EFCAB11: variants seen among roughly 807,000 people sequenced by gnomAD.
EFCAB11 encodes the protein EF-hand calcium binding domain 11, also known as EF-hand calcium-binding domain-containing protein 11.
A neutral mutation model predicts 23.0 loss-of-function variants in EFCAB11; 14 were observed. The observed-to-expected ratio is 0.61, with a 90% CI of 0.40 to 0.95. EFCAB11 has a LOEUF of 0.95. Ranked by LOEUF, EFCAB11 falls within the 40% of genes least tolerant of loss-of-function variation. The probability of loss-of-function intolerance (pLI) is 0.00; values close to 1 mark genes in which losing one functional copy is unlikely to be tolerated. For synonymous variants in EFCAB11, 65 were observed against 66.6 expected, an observed-to-expected ratio of 0.98 and a Z score of 0.11; for missense variants, 198 against 195.8, an observed-to-expected ratio of 1.01 and a Z score of -0.07.
intron 3 of EFCAB11, among the ~76,000 whole-genome samples, chr14:89,948,922 C>T (rs1891068246): frequency 6.6e-6 from 1 of 150,714 alleles, no homozygotes; most frequent in African/African-American, 2.4e-5. Flanking sequence ...TTTGATAGTA[C>T]AGAATGGTAA....
intron 5 of EFCAB11, among the ~76,000 whole-genome samples, chr14:89,901,727 C>T (rs1401969915): frequency 1.3e-5 from 2 of 152,072 alleles, no homozygotes; most frequent in African/African-American, 4.8e-5. Context: ...AAATACACAA[C>T]ATGGTGTGAA....
chr14:89,806,107 G>A (rs368909737), intron 5 of EFCAB11, among the ~76,000 whole-genome samples: 1 of 151,942 alleles, frequency 6.6e-6, no homozygotes, highest in Non-Finnish European at 1.5e-5. Context: ...AACAAGTGAC[G>A]GAATAAATTC....
intron 5 of EFCAB11, among the ~76,000 whole-genome samples, chr14:89,886,070 C>G (rs758647596): frequency 1.4e-4 from 22 of 151,986 alleles, no homozygotes; most frequent in Non-Finnish European, 2.8e-4. Flanking sequence ...ACAAACAGAC[C>G]AATGCAACAT....
chr14:89,914,819 G>C (rs1249259599), intron 5 of EFCAB11, among the ~76,000 whole-genome samples: 1 of 151,862 alleles, frequency 6.6e-6, no homozygotes, highest in African/African-American at 2.4e-5. Flanking sequence ...AGACAGTTAT[G>C]AAATATGTAG....
At chr14:89,952,694 G>T (rs1891214806) in intron 2 of EFCAB11, 1 of 823,068 alleles carries the variant, frequency 1.2e-6, no homozygotes, top group African/African-American at 1.9e-5. Context: ...AAATAGGGCG[G>T]AGAGGCATGA....
chr14:89,953,219 A>C (rs913287347), intron 2 of EFCAB11, among the ~76,000 whole-genome samples: 83 of 152,170 alleles, frequency 5.5e-4, no homozygotes, highest in Non-Finnish European at 1.2e-3. Context: ...AAAAAAAAAA[A>C]AACCCCACCT....
chr14:89,854,218 TC>T (rs1480572026), intron 5 of EFCAB11, among the ~76,000 whole-genome samples: 5 of 132,342 alleles, frequency 3.8e-5, no homozygotes, highest in African/African-American at 1.4e-4. Flanking sequence ...AAATGACATC[TC>T]AAAGCAGATA....
rs969765063 is a variant in EFCAB11, at chr14:89,817,095, T to A, written c.411-19771A>T. 2.6e-4 allele frequency among the ~76,000 whole-genome samples: 40 copies of A among 152,160 alleles called. 1 individual carries two copies. Among genetic ancestry groups the A allele is most frequent in the African/African-American group, 8.7e-4 (36 of 41,554 alleles). On this transcript the variant is annotated intron_variant, in intron 5 of 5. Coordinates refer to ENST00000316738, the MANE Select transcript of EFCAB11 (RefSeq NM_145231.4). ...CAATACTTCAAGGTAATTTGTAGAT[T>A]TAATACATTTCTAAATAAAATAATA...
rs1450401089 is a variant in EFCAB11, at chr14:89,869,235, G to A, written c.410+62306C>T. On this transcript the variant is annotated intron_variant, in intron 5 of 5. Transcript: ENST00000316738. ...AAACAAAAATAAAAATATCTCTAAT[G>A]TACTTGGTCCCTCCTCCTCACACTT... 2.6e-5 allele frequency among the ~76,000 whole-genome samples: 4 copies of A among 152,050 alleles called. No homozygotes were observed. The East Asian group carries it at 5.8e-4, about 22-fold the overall frequency.
intron 5 of EFCAB11, among the ~76,000 whole-genome samples, chr14:89,915,567 T>C (rs1889815239): frequency 6.6e-6 from 1 of 152,240 alleles, no homozygotes; most frequent in Admixed American, 6.5e-5. Flanking sequence ...AATCAATTTA[T>C]TTTAGTCACT....
At chr14:89,880,951 A>C (rs1222456669) in intron 5 of EFCAB11, among the ~76,000 whole-genome samples, 5 of 152,130 alleles carry the variant, frequency 3.3e-5, no homozygotes, top group African/African-American at 1.2e-4. Context: ...CATCTATAAA[A>C]TGGGGAAAGG....
At chr14:89,800,816 G>A (rs1426537960) in intron 5 of EFCAB11, among the ~76,000 whole-genome samples, 1 of 152,096 alleles carries the variant, frequency 6.6e-6, no homozygotes, top group Non-Finnish European at 1.5e-5. Flanking sequence ...GCTGAGGTGG[G>A]TGGATCACTT....
At chr14:89,951,780 C>G (rs144340936) in intron 2 of EFCAB11, among the ~76,000 whole-genome samples, 2,519 of 151,012 alleles carry the variant, frequency 0.017, 34 homozygotes, top group Non-Finnish European at 0.02. Flanking sequence ...AAAAAAAGAA[C>G]CGGGTATGGT....
intron 5 of EFCAB11, among the ~76,000 whole-genome samples, chr14:89,802,905 A>G (rs1885834257): frequency 6.6e-6 from 1 of 152,238 alleles, no homozygotes; most frequent in African/African-American, 2.4e-5. Context: ...TTCAAATTGT[A>G]TAAATCCACA....
In EFCAB11 at chr14:89,893,543, A is replaced by G. The variant is rs560529372; in HGVS notation, c.410+37998T>C. ...CTGGGAAAGGCCCTCCCTTCAGGGC[A>G]GCCCGTATCCAAAGTCCATCTCCTG... On this transcript the variant is annotated intron_variant, in intron 5 of 5. Transcript: ENST00000316738. Among the ~76,000 whole-genome samples the G allele has an allele frequency of 2.8e-4, 42 of 152,100 alleles. 1 individual carries two copies. Among genetic ancestry groups the G allele is most frequent in the Middle Eastern group, 3.4e-3 (1 of 294 alleles).
intron 5 of EFCAB11, among the ~76,000 whole-genome samples, chr14:89,900,594 G>A (rs1472477269): frequency 1.3e-5 from 2 of 152,108 alleles, no homozygotes; most frequent in Admixed American, 6.5e-5. Flanking sequence ...AGAACCTTCC[G>A]GAACACAGCC....
chr14:89,877,572 C>A (rs1368407950), intron 5 of EFCAB11, among the ~76,000 whole-genome samples: 1 of 152,158 alleles, frequency 6.6e-6, no homozygotes, highest in Non-Finnish European at 1.5e-5. Context: ...AAGCATCTTG[C>A]AATTGTTGGT....
chr14:89,804,687 TCACTCAA>T (rs1395990342), intron 5 of EFCAB11, among the ~76,000 whole-genome samples: 1 of 152,202 alleles, frequency 6.6e-6, no homozygotes, highest in African/African-American at 2.4e-5. Flanking sequence ...TATCAGATTC[TCACTCAA>T]GTAAAAGAGA....
chr14:89,804,177 C>CA (rs949945140), intron 5 of EFCAB11, among the ~76,000 whole-genome samples: 10 of 152,216 alleles, frequency 6.6e-5, no homozygotes, highest in African/African-American at 2.2e-4. Flanking sequence ...CCCTACCCCC[C>CA]AAACGTGGAA....
Sources: allele counts gnomAD v4.1 joint callset (sites outside exome capture counted in the v4.1 genomes callset), GRCh38; gene constraint gnomAD v4.1.1; transcripts MANE v1.5; gene names NCBI Gene and HGNC (gene_info 2026-07-23, HGNC 2026-07-21).